The following CA10 variants were observed in gnomAD, a reference collection of about 807,000 sequenced individuals.
CA10 encodes the protein carbonic anhydrase 10 (inactive).
In CA10, 14 loss-of-function variants were observed where a neutral mutation model predicts 44.2. The ratio of observed to expected loss-of-function variants is 0.32; its 90% CI spans 0.21 to 0.50. The LOEUF (loss-of-function observed/expected upper bound fraction) is 0.50, where lower values mean the gene tolerates loss of function less well. Ranked by LOEUF, CA10 falls within the 20% of genes least tolerant of loss-of-function variation. The probability of loss-of-function intolerance (pLI) is 0.99; values close to 1 mark genes in which losing one functional copy is unlikely to be tolerated. For missense variants in CA10, 350 were observed against 409.7 expected, an observed-to-expected ratio of 0.85 and a Z score of 1.26; for synonymous variants, 159 against 141.6, an observed-to-expected ratio of 1.12 and a Z score of -0.87.
At chr17:52,072,499 C>A (rs1987705878) in intron 1 of CA10, 106 bp from the exon 2 acceptor site, 2 of 752,214 alleles carry the variant, frequency 2.7e-6, no homozygotes, top group Non-Finnish European at 4.5e-6. Context: ...CCTTTTCTAC[C>A]CCAAAGTCAT....
chr17:51,746,001 TTTCTTGTTGTAC>T, intron 4 of CA10, among the ~76,000 whole-genome samples: 1 of 152,352 alleles, frequency 6.6e-6, no homozygotes, highest in South Asian at 2.1e-4. Context: ...TTTCATTACA[TTTCTTGTTGTAC>T]TCTAGTTCAG....
At chr17:52,110,583 A>G (rs1329231530) in intron 1 of CA10, among the ~76,000 whole-genome samples, 2 of 152,148 alleles carry the variant, frequency 1.3e-5, no homozygotes, top group Non-Finnish European at 2.9e-5. Flanking sequence ...TACCTGAAGG[A>G]GAGGTCTCAG....
chr17:51,753,354 A>G (rs968203047), intron 3 of CA10, among the ~76,000 whole-genome samples: 1 of 152,264 alleles, frequency 6.6e-6, no homozygotes, highest in Admixed American at 6.5e-5. Flanking sequence ...ATGTCTTTGC[A>G]TAGCAAACAC....
intron 3 of CA10, among the ~76,000 whole-genome samples, chr17:51,917,033 C>T (rs1185368235): frequency 7.2e-5 from 11 of 152,158 alleles, no homozygotes; most frequent in Admixed American, 2.6e-4. Context: ...TTAATTTTGA[C>T]TGCAATCAAC....
At chr17:51,655,937 C>T (rs910179304) in intron 4 of CA10, among the ~76,000 whole-genome samples, 29 of 152,240 alleles carry the variant, frequency 1.9e-4, no homozygotes, top group African/African-American at 6.8e-4. Flanking sequence ...AGGCGTTGCT[C>T]TGCCTCCGCA....
At chr17:51,917,705 C>G (rs900052089) in intron 3 of CA10, among the ~76,000 whole-genome samples, 3 of 152,184 alleles carry the variant, frequency 2.0e-5, no homozygotes, top group Non-Finnish European at 2.9e-5. Flanking sequence ...AACTCACTCA[C>G]GAGTACAGCA....
chr17:51,736,274 G>C (rs988306981), intron 4 of CA10, among the ~76,000 whole-genome samples: 1 of 152,176 alleles, frequency 6.6e-6, no homozygotes, highest in African/African-American at 2.4e-5. Flanking sequence ...CATGCAAGTA[G>C]GTCATGGCCC....
intron 3 of CA10, among the ~76,000 whole-genome samples, chr17:51,783,461 C>A (rs1056925549): frequency 1.3e-5 from 2 of 152,130 alleles, no homozygotes; most frequent in Admixed American, 6.5e-5. Flanking sequence ...CATAAAGAAA[C>A]CAAACCCCAG....
At chr17:51,825,491 G>A (rs769704760) in intron 3 of CA10, among the ~76,000 whole-genome samples, 1 of 152,118 alleles carries the variant, frequency 6.6e-6, no homozygotes, top group Non-Finnish European at 1.5e-5. Context: ...TGAAAAAGCA[G>A]GCACAGAGAG....
At position 51,649,273 on chromosome 17, in the gene CA10, TATTA is replaced by T; in HGVS notation, c.562-23_562-20del. 1 of 1,550,340 alleles carries T rather than the reference TATTA, an allele frequency of 6.5e-7. No homozygotes were observed. Among genetic ancestry groups the T allele is most frequent in the African/African-American group, 1.4e-5 (1 of 73,702 alleles). On this transcript the variant is annotated intron_variant, in intron 5 of 8. Coordinates refer to ENST00000451037, the MANE Select transcript of CA10 (RefSeq NM_020178.5). ...CAGAAACCTGGAGGAGAAAAGAAAA[TATTA>T]ATGACTGGGCATCACTCTTGCAGGA...
intron 2 of CA10, among the ~76,000 whole-genome samples, chr17:52,063,500 G>A (rs990249536): frequency 2.6e-5 from 4 of 152,152 alleles, no homozygotes; most frequent in African/African-American, 9.7e-5. Context: ...AGAGGTGTTT[G>A]GGTCATAGAG....
intron 1 of CA10, among the ~76,000 whole-genome samples, chr17:52,141,451 C>T (rs960878815): frequency 1.3e-5 from 2 of 152,146 alleles, no homozygotes; most frequent in East Asian, 3.9e-4. Flanking sequence ...TTCAGGTACC[C>T]AGTTTATCCT....
intron 4 of CA10, among the ~76,000 whole-genome samples, chr17:51,727,795 C>G (rs1376998266): frequency 6.6e-6 from 1 of 151,918 alleles, no homozygotes; most frequent in African/African-American, 2.4e-5. Context: ...ATTAGGAACA[C>G]AGCAGTGAAA....
intron 4 of CA10, among the ~76,000 whole-genome samples, chr17:51,679,417 G>A (rs1037767508): frequency 1.2e-4 from 18 of 151,702 alleles, no homozygotes; most frequent in African/African-American, 2.4e-4. Flanking sequence ...CCACCACCAC[G>A]CCCAGCTAAT....
At chr17:51,865,657 C>A (rs1979514454) in intron 3 of CA10, among the ~76,000 whole-genome samples, 1 of 152,202 alleles carries the variant, frequency 6.6e-6, no homozygotes, top group Non-Finnish European at 1.5e-5. Context: ...AGAAGTTATT[C>A]TTCCAATTTC....
chr17:51,858,520 C>A (rs1979154194), intron 3 of CA10, among the ~76,000 whole-genome samples: 2 of 152,136 alleles, frequency 1.3e-5, no homozygotes, highest in African/African-American at 4.8e-5. Context: ...TATACACACT[C>A]CAAAAGGGGT....
At chr17:51,633,438 T>A in intron 8 of CA10, 38 bp downstream of exon 8, 1 of 1,585,458 alleles carries the variant, frequency 6.3e-7, no homozygotes, top group Non-Finnish European at 8.6e-7. Context: ...GACTGAGCTC[T>A]AGCCTAGATC....
At chr17:51,769,228 A>G (rs1192232510) in intron 3 of CA10, among the ~76,000 whole-genome samples, 1 of 152,108 alleles carries the variant, frequency 6.6e-6, no homozygotes, top group Non-Finnish European at 1.5e-5. Flanking sequence ...GGGGTGGGAG[A>G]GCTGAAGGTG....
At chr17:51,690,775 G>A (rs997745999) in intron 4 of CA10, among the ~76,000 whole-genome samples, 1 of 152,076 alleles carries the variant, frequency 6.6e-6, no homozygotes, top group Non-Finnish European at 1.5e-5. Flanking sequence ...CCCAGTCTTG[G>A]GTATTTCTTC....
Sources: gnomAD v4.1 joint callset for allele counts (sites outside exome capture counted in the v4.1 genomes callset) on GRCh38, gnomAD v4.1.1 for gene constraint, MANE v1.5 for transcripts, NCBI Gene and HGNC (gene_info 2026-07-23, HGNC 2026-07-21) for gene names.